The following DBF4 variants were observed in gnomAD, a reference collection of about 807,000 sequenced individuals.
DBF4 encodes the protein DBF4-CDC7 kinase regulatory subunit.
In DBF4, 25 loss-of-function variants were observed where a neutral mutation model predicts 76.6. The observed-to-expected ratio is 0.33, with a 90% confidence interval of 0.24 to 0.46. The LOEUF is 0.46. Ranked by LOEUF, DBF4 falls within the 20% of genes least tolerant of loss-of-function variation. The probability of loss-of-function intolerance (pLI) is 1.00; values close to 1 mark genes in which losing one functional copy is unlikely to be tolerated. For missense variants in DBF4, 638 were observed against 760.8 expected (o/e 0.84, Z 1.90); for synonymous variants, 213 against 258.0 (o/e 0.83, Z 1.67).
intron 10 of DBF4, among the ~76,000 whole-genome samples, chr7:87,902,024 G>A (rs1839802269): frequency 3.3e-5 from 5 of 152,148 alleles, no homozygotes; most frequent in Admixed American, 3.3e-4. Context: ...CTTTTAATCA[G>A]AAGCTAAAGT....
At chr7:87,886,137 CT>C (rs1169357995) in intron 3 of DBF4, among the ~76,000 whole-genome samples, 1 of 152,098 alleles carries the variant, frequency 6.6e-6, no homozygotes, top group East Asian at 1.9e-4. Flanking sequence ...CATGCATTCT[CT>C]GAGTTAATGC....
chr7:87,890,909 G>T (rs1268024308), intron 6 of DBF4, among the ~76,000 whole-genome samples: 1 of 152,104 alleles, frequency 6.6e-6, no homozygotes, highest in African/African-American at 2.4e-5. Flanking sequence ...ATCTATATCT[G>T]GTTGAATTGA....
intron 8 of DBF4, among the ~76,000 whole-genome samples, chr7:87,897,877 AAGCAATTCTCCTGCCTC>A (rs535973203): frequency 2.9e-3 from 447 of 152,236 alleles, no homozygotes; most frequent in Admixed American, 5.0e-3. Flanking sequence ...CCCCCGGTTC[AAGCAATTCTCCTGCCTC>A]AGCCTCCCAA....
rs544555300 is a variant in DBF4, at chr7:87,897,471, C to T, written c.680+132C>T. On this transcript the variant is annotated intron_variant, in intron 8 of 11. Coordinates refer to ENST00000265728, the MANE Select transcript of DBF4 (RefSeq NM_006716.4). ...GATTTATATTATACTAATGTGCATG[C>T]GGCACAAGTTAACGAAAGTAGCATT... The T allele has an allele frequency of 3.2e-4, 227 of 710,802 alleles. 1 individual carries two copies. The African/African-American group carries it at 3.7e-3, about 11-fold the overall frequency. The allele number at this position is 710,802 out of a possible 1,614,324, so 44.0% of individuals were successfully genotyped here. A position where few individuals can be genotyped will look rare whatever the true frequency, so the allele number is the denominator to read the frequency against.
At chr7:87,891,327 G>GTT (rs1839483978) in intron 6 of DBF4, among the ~76,000 whole-genome samples, 1 of 151,880 alleles carries the variant, frequency 6.6e-6, no homozygotes, top group Non-Finnish European at 1.5e-5. Context: ...ATGTGTTCCT[G>GTT]TTTCTATTTT....
chr7:87,882,281 G>T (rs1274259476), intron 2 of DBF4, among the ~76,000 whole-genome samples: 2 of 152,154 alleles, frequency 1.3e-5, no homozygotes, highest in Non-Finnish European at 2.9e-5. Context: ...ATATCTACAT[G>T]CAGAAAAATG....
At chr7:87,882,583 C>A (rs944616676) in intron 2 of DBF4, among the ~76,000 whole-genome samples, 3 of 152,078 alleles carry the variant, frequency 2.0e-5, no homozygotes, top group Non-Finnish European at 4.4e-5. Context: ...GGATTAATAT[C>A]CAGAATACTT....
rs752306397 is a variant in DBF4, at chr7:87,908,055, A to G, written c.1917A>G (p.Glu639=). The G allele has an allele frequency of 1.9e-6, 3 of 1,613,742 alleles. No homozygotes were observed. The highest frequency in any genetic ancestry group is 2.5e-6 in the Non-Finnish European group (3 of 1,179,784). ...SEFLGFTSYT[E]KSGICNVLDI... is the part of the protein sequence containing the mutation. Reference sequence around the variant, plus strand: ...TTTTGGGTTTCACAAGCTACACAGAAAAGAGTGGTATATGCAATGTTTTAG... The same window carrying G: ...TTTTGGGTTTCACAAGCTACACAGAGAAGAGTGGTATATGCAATGTTTTAG... Residue 639 remains glutamate, a synonymous_variant, in exon 12 of 12, where the codon GAA becomes GAG. Transcript: ENST00000265728.
intron 6 of DBF4, among the ~76,000 whole-genome samples, chr7:87,888,941 C>T (rs1839424369): frequency 6.6e-6 from 1 of 152,116 alleles, no homozygotes; most frequent in Non-Finnish European, 1.5e-5. Flanking sequence ...ATTTAAATGA[C>T]AGGGATCTAA....
At chr7:87,887,941 A>G in intron 5 of DBF4, 42 bp from the exon 6 acceptor site, 1 of 1,469,152 alleles carries the variant, frequency 6.8e-7, no homozygotes, top group South Asian at 1.3e-5. Context: ...TAACTCCAAG[A>G]GTAAAATTGC....
At chr7:87,881,277 G>T (rs188359045) in intron 2 of DBF4, among the ~76,000 whole-genome samples, 10 of 152,218 alleles carry the variant, frequency 6.6e-5, no homozygotes, top group African/African-American at 2.4e-4. Context: ...GCATGGTGGC[G>T]CACACTTGTA....
chr7:87,894,701 CT>C (rs1278912155), intron 6 of DBF4, among the ~76,000 whole-genome samples: 1 of 152,174 alleles, frequency 6.6e-6, no homozygotes, highest in Non-Finnish European at 1.5e-5. Context: ...ATTGAGAGTT[CT>C]TTGTCTCAGC....
rs775344900 is a variant in DBF4, at chr7:87,904,354, T to G, written c.987T>G (p.Asp329Glu). The stretch of plus-strand genomic sequence containing the variant: ...GTAACCAGTATCAAGTTGTTGATGA[T>G]ATTGTATCTAAGTTAGTTTTTGACT... ...AQSNQYQVVD[D>E]IVSKLVFDFV... is the part of the protein sequence containing the mutation. Residue 329 changes from aspartate (D) to glutamate (E), a missense_variant, in exon 11 of 12, where the codon GAT (aspartate) becomes GAG (glutamate). Transcript: ENST00000265728. 19 of 1,613,928 alleles carry G rather than the reference T, an allele frequency of 1.2e-5. No individual in the cohort carries two copies. The highest frequency in any genetic ancestry group is 1.6e-5 in the Non-Finnish European group (19 of 1,179,862).
chr7:87,893,909 T>C (rs1439074731), intron 6 of DBF4, among the ~76,000 whole-genome samples: 1 of 152,234 alleles, frequency 6.6e-6, no homozygotes, highest in Non-Finnish European at 1.5e-5. Flanking sequence ...TTCTTTCAGA[T>C]TGATCTGCCA....
chr7:87,904,954 A>T (rs913700636), intron 11 of DBF4, among the ~76,000 whole-genome samples: 17 of 151,692 alleles, frequency 1.1e-4, no homozygotes, highest in African/African-American at 3.9e-4. Flanking sequence ...CCTTTTTTAA[A>T]TTTTTTGTTT....
At position 87,908,753 on chromosome 7, in the gene DBF4, A is replaced by G. The variant is rs1443516861; in HGVS notation, c.*590A>G. 7.1e-6 allele frequency: 1 copy of G among 141,086 alleles called. No homozygotes were observed. The highest frequency in any genetic ancestry group is 2.9e-5 in the African/African-American group (1 of 34,182). The allele number at this position is 141,086 out of a possible 1,614,324, so 8.7% of individuals were successfully genotyped here. A position where few individuals can be genotyped will look rare whatever the true frequency, so the allele number is the denominator to read the frequency against. Reference sequence around the variant, plus strand: ...CCAAGTGGAATATAATTTATCTGCTATTTTTAATTACTTACCTTGTAAATA... The same window carrying G: ...CCAAGTGGAATATAATTTATCTGCTGTTTTTAATTACTTACCTTGTAAATA... On this transcript the variant is annotated 3_prime_UTR_variant, in exon 12 of 12. Transcript: ENST00000265728.
rs1401186361 is a variant in DBF4 at position 87,908,227 on chromosome 7, T to C, written c.*64T>C. ...CATATTCTTGAAATTTTTATAAATA[T>C]GTATGGAAATTCTTAGGATTTTTTT... On this transcript the variant is annotated 3_prime_UTR_variant, in exon 12 of 12. Coordinates refer to ENST00000265728, the MANE Select transcript of DBF4 (RefSeq NM_006716.4). 1.5e-6 allele frequency: 2 copies of C among 1,344,792 alleles called. No homozygotes were observed. Among genetic ancestry groups the C allele is most frequent in the East Asian group, 5.3e-5 (2 of 37,674 alleles). The allele number at this position is 1,344,792 out of a possible 1,614,324, so 83.3% of individuals were successfully genotyped here.
At position 87,900,071 on chromosome 7, in the gene DBF4, G is replaced by C. The variant is rs1442428729; in HGVS notation, c.681-150G>C. ...AAAAAATGTTTAAATGTTAAAAATT[G>C]TTAGGCCTGAAATTGATTTTTTGAA... On this transcript the variant is annotated intron_variant, in intron 8 of 11. Coordinates refer to ENST00000265728, the MANE Select transcript of DBF4 (RefSeq NM_006716.4). 60 of 630,672 alleles carry C rather than the reference G, an allele frequency of 9.5e-5. No homozygotes were observed. In the East Asian group the frequency reaches 1.8e-3, roughly 19 times the overall value. 39.1% of individuals were successfully genotyped at this position (630,672 alleles called of 1,614,324 possible).
At position 87,876,778 on chromosome 7, in the gene DBF4, G is replaced by A. The variant is rs778937589; in HGVS notation, c.46G>A (p.Gly16Ser). 6.2e-7 allele frequency: 1 copy of A among 1,614,112 alleles called. No individual in the cohort carries two copies. Among genetic ancestry groups the A allele is most frequent in the South Asian group, 1.1e-5 (1 of 91,084 alleles). ...MRIHSKGHFQ[G>S]GIQVKNEKNR... ...GATCCACAGTAAAGGACATTTCCAG[G>A]GTAAGAAGCCCCTCCTCCGCCTGCA... The change falls in exon 1 of 12, where the codon GGT becomes AGT. Residue 16 changes from glycine to serine, a missense_variant and splice_region_variant. Transcript: ENST00000265728.
Sources: gnomAD v4.1 joint callset for allele counts (sites outside exome capture counted in the v4.1 genomes callset) on GRCh38, gnomAD v4.1.1 for gene constraint, MANE v1.5 for transcripts, NCBI Gene and HGNC (gene_info 2026-07-23, HGNC 2026-07-21) for gene names.